Variants in SH3BGRL2 observed in about 807,000 individuals in gnomAD.
The protein encoded by SH3BGRL2 is SH3 domain-binding glutamic acid-rich-like protein 2.
A neutral mutation model predicts 14.8 loss-of-function variants in SH3BGRL2; 21 were observed. The ratio of observed to expected loss-of-function variants is 1.42; its 90% CI spans 1.01 to 2.05. The LOEUF (loss-of-function observed/expected upper bound fraction) is 2.05, where lower values mean the gene tolerates loss of function less well. SH3BGRL2 is among the 30% of genes most tolerant of loss of function. The probability of loss-of-function intolerance (pLI) is 0.00; values close to 1 mark genes in which losing one functional copy is unlikely to be tolerated. For synonymous variants in SH3BGRL2, 50 were observed against 47.8 expected, an observed-to-expected ratio of 1.05 and a Z score of -0.19; for missense variants, 147 against 130.8, an observed-to-expected ratio of 1.12 and a Z score of -0.61.
At chr6:79,622,460 T>C in the SH3BGRL2 span, among the ~76,000 whole-genome samples, 2 of 152,220 alleles carry the variant, frequency 1.3e-5, no homozygotes, top group Admixed American at 6.5e-5. Flanking sequence ...AAGTAAACTT[T>C]AGATCACACC....
At chr6:79,639,405 AT>A (rs1768987754) in intron 1 of SH3BGRL2, among the ~76,000 whole-genome samples, 1 of 152,174 alleles carries the variant, frequency 6.6e-6, no homozygotes, top group Non-Finnish European at 1.5e-5. Flanking sequence ...CCTGGGCAAC[AT>A]GGCAAAACCC....
At chr6:79,597,362 AAGGAAGGG>A in the SH3BGRL2 span, among the ~76,000 whole-genome samples, 3 of 151,174 alleles carry the variant, frequency 2.0e-5, no homozygotes, top group African/African-American at 4.9e-5. Context: ...GGAAGGATGG[AAGGAAGGG>A]AGGAAGGGAA....
chr6:79,697,851 C>A (rs757830214), intron 3 of SH3BGRL2, among the ~76,000 whole-genome samples: 1 of 152,160 alleles, frequency 6.6e-6, no homozygotes, highest in Non-Finnish European at 1.5e-5. Flanking sequence ...ATAAATCCAG[C>A]GGGCATCATT....
At chr6:79,633,326 T>C (rs1768861373) in intron 1 of SH3BGRL2, among the ~76,000 whole-genome samples, 1 of 152,182 alleles carries the variant, frequency 6.6e-6, no homozygotes, top group African/African-American at 2.4e-5. Context: ...ACTCTAGCTT[T>C]AAAGTATTTT....
chr6:79,696,659 T>G, intron 3 of SH3BGRL2, 94 bp downstream of exon 3: 2 of 887,114 alleles, frequency 2.3e-6, no homozygotes, highest in Non-Finnish European at 3.3e-6. Flanking sequence ...AATGCATATA[T>G]AATTTCTTAG....
chr6:79,610,234 A>G, the SH3BGRL2 span, among the ~76,000 whole-genome samples: 2 of 152,244 alleles, frequency 1.3e-5, no homozygotes, highest in Non-Finnish European at 2.9e-5. Flanking sequence ...GCCACTAATT[A>G]GTCATATAAC....
chr6:79,642,256 A>C (rs570968106), intron 1 of SH3BGRL2, among the ~76,000 whole-genome samples: 8 of 152,194 alleles, frequency 5.3e-5, no homozygotes, highest in Non-Finnish European at 1.2e-4. Flanking sequence ...AGCTATTTAC[A>C]TAGCATTTAC....
chr6:79,699,617 G>T lies in SH3BGRL2; in HGVS notation c.*108G>T, dbSNP rs1770412000. On this transcript the variant is annotated 3_prime_UTR_variant, in exon 4 of 4. Transcript: ENST00000369838. ...GTGACAAAAGCCACACGCATTATCA[G>T]TAACTTTGCTTGCCACGGAAAAGGT... 1.5e-6 allele frequency: 2 copies of T among 1,357,118 alleles called. No individual in the cohort carries two copies. Among genetic ancestry groups the T allele is most frequent in the African/African-American group, 3.0e-5 (2 of 67,662 alleles). 84.1% of individuals were successfully genotyped at this position (1,357,118 alleles called of 1,614,324 possible). A position where few individuals can be genotyped will look rare whatever the true frequency, so the allele number is the denominator to read the frequency against.
intron 1 of SH3BGRL2, among the ~76,000 whole-genome samples, chr6:79,669,603 C>T (rs1769732072): frequency 6.6e-6 from 1 of 152,056 alleles, no homozygotes; most frequent in South Asian, 2.1e-4. Context: ...CACCACCACG[C>T]CTGGCTAATT....
At chr6:79,628,544 C>G (rs1212097580), upstream of SH3BGRL2, among the ~76,000 whole-genome samples, 3 of 152,106 alleles carry the variant, frequency 2.0e-5, no homozygotes, top group Admixed American at 2.0e-4. Flanking sequence ...GTCAGATTGG[C>G]ATCTAATACT....
chr6:79,689,421 C>A (rs1770165070), intron 2 of SH3BGRL2, among the ~76,000 whole-genome samples: 1 of 152,002 alleles, frequency 6.6e-6, no homozygotes, highest in African/African-American at 2.4e-5. Flanking sequence ...TCTGAGATTT[C>A]TAAACATCTG....
chr6:79,579,766 A>T, the SH3BGRL2 span, among the ~76,000 whole-genome samples: 2 of 152,226 alleles, frequency 1.3e-5, no homozygotes, highest in East Asian at 3.9e-4. Context: ...ACCAGCGAAC[A>T]TCATAATGAC....
At chr6:79,545,917 T>C in the SH3BGRL2 span, among the ~76,000 whole-genome samples, 1 of 152,214 alleles carries the variant, frequency 6.6e-6, no homozygotes, top group Non-Finnish European at 1.5e-5. Flanking sequence ...CAATAGCTTC[T>C]AGTTAAAATG....
At chr6:79,642,273 T>G (rs776832326) in intron 1 of SH3BGRL2, among the ~76,000 whole-genome samples, 8 of 152,200 alleles carry the variant, frequency 5.3e-5, no homozygotes, top group Non-Finnish European at 1.0e-4. Flanking sequence ...TTACGTTGTA[T>G]TAGATATTAT....
the SH3BGRL2 span, among the ~76,000 whole-genome samples, chr6:79,590,183 T>C: frequency 6.6e-6 from 1 of 151,964 alleles, no homozygotes; most frequent in Non-Finnish European, 1.5e-5. Context: ...AGAAAAGGGA[T>C]GTTTATACAC....
chr6:79,598,809 G>A, the SH3BGRL2 span, among the ~76,000 whole-genome samples: 14,156 of 151,648 alleles, frequency 0.093, 810 homozygotes, highest in Non-Finnish European at 0.13. Context: ...TCGGCTGGGC[G>A]CGGTGGCTCA....
the SH3BGRL2 span, among the ~76,000 whole-genome samples, chr6:79,606,038 TG>T: frequency 8.5e-5 from 13 of 152,310 alleles, no homozygotes; most frequent in African/African-American, 3.1e-4. Flanking sequence ...ACTAGTAGAT[TG>T]GTCATCTAAA....
chr6:79,683,052 C>A (rs542865631), intron 2 of SH3BGRL2, among the ~76,000 whole-genome samples: 14 of 152,052 alleles, frequency 9.2e-5, no homozygotes, highest in African/African-American at 3.4e-4. Flanking sequence ...GCCTGTCGAG[C>A]GGGGGAGCTG....
intron 2 of SH3BGRL2, among the ~76,000 whole-genome samples, chr6:79,688,528 G>A (rs1770146572): frequency 6.6e-6 from 1 of 152,114 alleles, no homozygotes; most frequent in Admixed American, 6.6e-5. Context: ...CCTGAAATGT[G>A]CAATCTACAG....
Sources: gnomAD v4.1 joint callset for allele counts (sites outside exome capture counted in the v4.1 genomes callset) on GRCh38, gnomAD v4.1.1 for gene constraint, MANE v1.5 for transcripts, NCBI Gene and HGNC (gene_info 2026-07-23, HGNC 2026-07-21) for gene names.